SOX5: variants seen among roughly 807,000 people sequenced by gnomAD.
SOX5 encodes the protein SRY-box transcription factor 5.
A neutral mutation model predicts 92.0 loss-of-function variants in SOX5; 9 were observed. The ratio of observed to expected loss-of-function variants is 0.10; its 90% CI spans 0.06 to 0.17. The LOEUF is 0.17. Among genes scored for constraint, SOX5 ranks in the 10% least tolerant of loss-of-function variants. The pLI, the probability that SOX5 is intolerant of heterozygous loss-of-function variation, is 1.00. For missense variants in SOX5, 642 were observed against 944.5 expected, an observed-to-expected ratio of 0.68 and a Z score of 4.20; for synonymous variants, 344 against 336.3, an observed-to-expected ratio of 1.02 and a Z score of -0.25.
chr12:24,486,303 G>C (rs1946522220), intron 1 of SOX5, among the ~76,000 whole-genome samples: 1 of 152,094 alleles, frequency 6.6e-6, no homozygotes, highest in Non-Finnish European at 1.5e-5. Context: ...CAAGTAACCT[G>C]GTCCAGCCAC....
intron 1 of SOX5, among the ~76,000 whole-genome samples, chr12:24,531,986 T>C (rs1473033976): frequency 6.6e-6 from 1 of 152,184 alleles, no homozygotes; most frequent in Non-Finnish European, 1.5e-5. Flanking sequence ...AGACCAACTA[T>C]TTAAATTGAC....
intron 7 of SOX5, among the ~76,000 whole-genome samples, chr12:23,663,847 T>TA (rs1430262711): frequency 6.6e-6 from 1 of 152,014 alleles, no homozygotes; most frequent in East Asian, 1.9e-4. Context: ...ATTTAATTAT[T>TA]AAAAAAAGTT....
chr12:24,052,859 C>T (rs1957696046), intron 4 of SOX5, among the ~76,000 whole-genome samples: 1 of 152,160 alleles, frequency 6.6e-6, no homozygotes. Context: ...ATAATACATT[C>T]AAACAAAAAT....
At chr12:24,072,775 TA>T (rs1446528578) in intron 4 of SOX5, among the ~76,000 whole-genome samples, 3 of 152,218 alleles carry the variant, frequency 2.0e-5, no homozygotes, top group East Asian at 1.9e-4. Flanking sequence ...AAATTAGCTA[TA>T]AAAATATCAC....
intron 11 of SOX5, among the ~76,000 whole-genome samples, chr12:23,547,237 A>G (rs998870399): frequency 6.6e-6 from 1 of 152,136 alleles, no homozygotes; most frequent in Non-Finnish European, 1.5e-5. Context: ...GGAACAGAAA[A>G]AGCATATAAT....
intron 2 of SOX5, among the ~76,000 whole-genome samples, chr12:24,279,444 T>G (rs1167912379): frequency 6.6e-6 from 1 of 152,108 alleles, no homozygotes; most frequent in African/African-American, 2.4e-5. Context: ...GAAAAGAGGT[T>G]GTAAAAACCA....
chr12:24,513,074 G>A (rs186177355), intron 1 of SOX5, among the ~76,000 whole-genome samples: 14 of 152,306 alleles, frequency 9.2e-5, no homozygotes, highest in Admixed American at 2.6e-4. Flanking sequence ...GTGCTGGGCA[G>A]TAGCAGTGAG....
chr12:24,108,308 T>G (rs1946917767), intron 4 of SOX5, among the ~76,000 whole-genome samples: 1 of 151,334 alleles, frequency 6.6e-6, no homozygotes, highest in Admixed American at 6.7e-5. Flanking sequence ...ATTATAGTTT[T>G]TCCATCCTTT....
At chr12:24,547,754 T>G (rs6487392) in intron 1 of SOX5, among the ~76,000 whole-genome samples, 152,201 of 152,288 alleles carry the variant, frequency 1, 76,057 homozygotes, top group East Asian at 1. Context: ...TCTATCTGGG[T>G]TTATTTCTCT....
chr12:24,133,345 G>A (rs904243796), intron 4 of SOX5, among the ~76,000 whole-genome samples: 20 of 152,282 alleles, frequency 1.3e-4, no homozygotes, highest in Middle Eastern at 3.4e-3. Flanking sequence ...TGGCTCTGGC[G>A]CCTTACCTAG....
intron 3 of SOX5, among the ~76,000 whole-genome samples, chr12:24,228,442 GACA>G (rs1373113677): frequency 6.6e-6 from 1 of 152,060 alleles, no homozygotes; most frequent in Non-Finnish European, 1.5e-5. Flanking sequence ...TTATTTTTGT[GACA>G]ACATTTTTGT....
chr12:24,258,345 A>T (rs554729448), intron 3 of SOX5, among the ~76,000 whole-genome samples: 1 of 152,364 alleles, frequency 6.6e-6, no homozygotes, highest in Admixed American at 6.5e-5. Context: ...CAGCAATGAA[A>T]AATGGGAATT....
intron 3 of SOX5, among the ~76,000 whole-genome samples, chr12:23,804,713 C>T (rs922353737): frequency 9.2e-5 from 14 of 151,762 alleles, no homozygotes; most frequent in Middle Eastern, 3.4e-3. Context: ...TCTCCAGATC[C>T]AGCCCTGGTG....
intron 1 of SOX5, among the ~76,000 whole-genome samples, chr12:23,942,418 C>T (rs1166198649): frequency 6.6e-6 from 1 of 151,828 alleles, no homozygotes; most frequent in East Asian, 1.9e-4. Flanking sequence ...TGACAACATT[C>T]TGAAATAAAT....
chr12:23,639,740 C>T (rs2138692414), intron 8 of SOX5, among the ~76,000 whole-genome samples: 1 of 152,326 alleles, frequency 6.6e-6, no homozygotes. Context: ...AGCTTTCACA[C>T]TGGTAGTTCC....
At chr12:23,888,659 C>T (rs1178801716) in intron 2 of SOX5, among the ~76,000 whole-genome samples, 1 of 152,092 alleles carries the variant, frequency 6.6e-6, no homozygotes, top group African/African-American at 2.4e-5. Flanking sequence ...TCACACGTCC[C>T]CATTCCTGCT....
chr12:24,147,991 T>A (rs947754410), intron 4 of SOX5, among the ~76,000 whole-genome samples: 1 of 152,184 alleles, frequency 6.6e-6, no homozygotes, highest in South Asian at 2.1e-4. Flanking sequence ...CCATAGATTA[T>A]GAACAATGAT....
chr12:24,496,140 G>A (rs1308708927), intron 1 of SOX5, among the ~76,000 whole-genome samples: 2 of 152,100 alleles, frequency 1.3e-5, no homozygotes, highest in Non-Finnish European at 2.9e-5. Flanking sequence ...GGGTTGAAGG[G>A]GTGGAATTCC....
intron 2 of SOX5, among the ~76,000 whole-genome samples, chr12:24,288,075 TTTTTAC>T (rs1946126083): frequency 6.6e-6 from 1 of 152,176 alleles, no homozygotes; most frequent in Non-Finnish European, 1.5e-5. Flanking sequence ...CAGAATATTG[TTTTTAC>T]TTTTAAAGTG....
Sources: gnomAD v4.1 joint callset for allele counts (sites outside exome capture counted in the v4.1 genomes callset) on GRCh38, gnomAD v4.1.1 for gene constraint, MANE v1.5 for transcripts, NCBI Gene and HGNC (gene_info 2026-07-23, HGNC 2026-07-21) for gene names.